Variants in PRKCA observed in about 807,000 individuals in gnomAD.
PRKCA encodes protein kinase C alpha.
PRKCA carries 27 observed loss-of-function variants against 87.0 expected under a neutral mutation model. The observed-to-expected ratio is 0.31, with a 90% confidence interval of 0.23 to 0.43. PRKCA has a LOEUF of 0.43. Ranked by LOEUF, PRKCA falls within the 20% of genes least tolerant of loss-of-function variation. The pLI is 1.00. For synonymous variants in PRKCA, 329 were observed against 311.1 expected, an observed-to-expected ratio of 1.06 and a Z score of -0.61; for missense variants, 518 against 852.3, an observed-to-expected ratio of 0.61 and a Z score of 4.88.
chr17:66,645,605 C>T, intron 5 of PRKCA, 94 bp downstream of exon 5: 1 of 1,547,712 alleles, frequency 6.5e-7, no homozygotes, highest in South Asian at 1.2e-5. Context: ...GGCTGGATGC[C>T]CTGAGGCCTC....
At chr17:66,313,788 T>C (rs987413555) in intron 2 of PRKCA, among the ~76,000 whole-genome samples, 1 of 152,220 alleles carries the variant, frequency 6.6e-6, no homozygotes, top group African/African-American at 2.4e-5. Context: ...TTTTTGTGCC[T>C]TAATACAAAT....
intron 3 of PRKCA, among the ~76,000 whole-genome samples, chr17:66,549,728 C>T (rs892786814): frequency 6.6e-6 from 1 of 152,188 alleles, no homozygotes. Flanking sequence ...AAAAAAGACA[C>T]TGATTTTTCC....
Position 66,732,736 on chromosome 17 carries a change from G to A in PRKCA, c.967G>A (p.Asp323Asn). The change falls in exon 9 of 17, where the codon GAC becomes AAC. Residue 323 changes from aspartate (D) to asparagine (N), a missense_variant. Physicochemically the swap from Asp to Asn is conservative, Grantham distance 23 (BLOSUM62 1). Transcript: ENST00000413366. Reference sequence around the variant, plus strand: ...CAACAAAGTCATCAGTCCCTCTGAAGACAGGAAACAACCTTCCAACAACCT... The same window carrying A: ...CAACAAAGTCATCAGTCCCTCTGAAAACAGGAAACAACCTTCCAACAACCT... ...AGNKVISPSE[D>N]RKQPSNNLDR... 6.2e-7 allele frequency: 1 copy of A among 1,614,166 alleles called. No individual in the cohort carries two copies. The highest frequency in any genetic ancestry group is 1.1e-5 in the South Asian group (1 of 91,072).
intron 8 of PRKCA, among the ~76,000 whole-genome samples, chr17:66,695,503 A>T (rs921328529): frequency 6.6e-6 from 1 of 152,224 alleles, no homozygotes; most frequent in Non-Finnish European, 1.5e-5. Flanking sequence ...TTAAAAAGTC[A>T]AGCAGCTTTC....
At chr17:66,466,543 G>A (rs1350896970) in intron 2 of PRKCA, among the ~76,000 whole-genome samples, 2 of 152,098 alleles carry the variant, frequency 1.3e-5, no homozygotes, top group African/African-American at 4.8e-5. Context: ...ACCTCAAAAT[G>A]GAAGAAACTT....
intron 13 of PRKCA, among the ~76,000 whole-genome samples, chr17:66,750,971 C>T (rs1228440952): frequency 6.6e-6 from 1 of 152,224 alleles, no homozygotes; most frequent in Non-Finnish European, 1.5e-5. Flanking sequence ...CAGTAAGCTG[C>T]TCTCACAGGC....
chr17:66,777,384 G>A, intron 14 of PRKCA: 1 of 985,176 alleles, frequency 1.0e-6, no homozygotes, highest in Non-Finnish European at 1.2e-6. Flanking sequence ...GTTAAGGCTT[G>A]ACTGACATCA....
chr17:66,590,845 GT>G (rs1969781788), intron 3 of PRKCA, among the ~76,000 whole-genome samples: 1 of 151,534 alleles, frequency 6.6e-6, no homozygotes, highest in Non-Finnish European at 1.5e-5. Context: ...GCAAGACTCC[GT>G]CTCAAAAAAA....
intron 2 of PRKCA, among the ~76,000 whole-genome samples, chr17:66,436,419 A>G (rs947330314): frequency 6.6e-6 from 1 of 152,164 alleles, no homozygotes; most frequent in African/African-American, 2.4e-5. Flanking sequence ...AATAGCACCT[A>G]CCTCAGAAGG....
chr17:66,446,741 T>C (rs1914057526), intron 2 of PRKCA, among the ~76,000 whole-genome samples: 1 of 152,148 alleles, frequency 6.6e-6, no homozygotes, highest in African/African-American at 2.4e-5. Context: ...AGGACCCCGG[T>C]AGCCTCTAGA....
intron 11 of PRKCA, among the ~76,000 whole-genome samples, chr17:66,740,184 G>A (rs75448572): frequency 0.028 from 4,324 of 152,082 alleles, 191 homozygotes; most frequent in African/African-American, 0.096. Context: ...AGTTAAGAAC[G>A]TTTTATTGGA....
At chr17:66,478,881 T>C (rs1400850204) in intron 2 of PRKCA, among the ~76,000 whole-genome samples, 1 of 152,118 alleles carries the variant, frequency 6.6e-6, no homozygotes, top group African/African-American at 2.4e-5. Flanking sequence ...GCACTGTGTA[T>C]AAGTGTAGAT....
At chr17:66,735,960 G>A (rs994940085) in intron 10 of PRKCA, among the ~76,000 whole-genome samples, 3 of 119,228 alleles carry the variant, frequency 2.5e-5, no homozygotes, top group African/African-American at 6.5e-5. Flanking sequence ...TCACTCTCTC[G>A]CCCAGGCTAG....
intron 2 of PRKCA, among the ~76,000 whole-genome samples, chr17:66,337,797 CT>C (rs1432961299): frequency 1.3e-5 from 2 of 152,302 alleles, no homozygotes; most frequent in South Asian, 4.1e-4. Context: ...TGGATGCTGG[CT>C]TTTTGACTTC....
chr17:66,500,451 T>C (rs560492912), intron 3 of PRKCA, among the ~76,000 whole-genome samples: 1 of 152,210 alleles, frequency 6.6e-6, no homozygotes, highest in South Asian at 2.1e-4. Context: ...AATTTTCTTA[T>C]TTTATCCTTT....
chr17:66,581,676 C>T (rs1431113065), intron 3 of PRKCA, among the ~76,000 whole-genome samples: 1 of 152,070 alleles, frequency 6.6e-6, no homozygotes, highest in South Asian at 2.1e-4. Context: ...AGGGTTTCAC[C>T]GTTTTAGCCA....
intron 3 of PRKCA, among the ~76,000 whole-genome samples, chr17:66,621,029 G>A (rs1162356968): frequency 6.6e-6 from 1 of 152,196 alleles, no homozygotes; most frequent in African/African-American, 2.4e-5. Flanking sequence ...TCTAGCTTAT[G>A]CATCTGCTCC....
chr17:66,507,873 T>C (rs1321150460), intron 3 of PRKCA, among the ~76,000 whole-genome samples: 5 of 152,244 alleles, frequency 3.3e-5, no homozygotes, highest in African/African-American at 1.2e-4. Flanking sequence ...ACCTTGGCTT[T>C]GTTTTCTGTT....
intron 5 of PRKCA, among the ~76,000 whole-genome samples, chr17:66,656,253 C>A (rs1050016144): frequency 6.6e-6 from 1 of 152,166 alleles, no homozygotes; most frequent in Non-Finnish European, 1.5e-5. Flanking sequence ...CCCCAAGTCC[C>A]CAGATTCTTT....
Sources: gnomAD v4.1 joint callset for allele counts (sites outside exome capture counted in the v4.1 genomes callset) on GRCh38, gnomAD v4.1.1 for gene constraint, MANE v1.5 for transcripts, NCBI Gene and HGNC (gene_info 2026-07-23, HGNC 2026-07-21) for gene names.